AKAP19: variants seen among roughly 807,000 people sequenced by gnomAD.
AKAP19 encodes A-kinase anchoring protein 19.
At chr2:189,880,771 T>C in the AKAP19 span, among the ~76,000 whole-genome samples, 2 of 152,200 alleles carry the variant, frequency 1.3e-5, no homozygotes, top group African/African-American at 4.8e-5. Context: ...ACCTAATTAA[T>C]GCAAAGGAAA....
chr2:189,960,259 T>C, the AKAP19 span, among the ~76,000 whole-genome samples: 107 of 152,312 alleles, frequency 7.0e-4, no homozygotes, highest in South Asian at 1.7e-3. Flanking sequence ...AGGGAGAATA[T>C]ACATACAAAA....
chr2:190,047,792 T>A, the AKAP19 span, among the ~76,000 whole-genome samples: 1 of 152,176 alleles, frequency 6.6e-6, no homozygotes, highest in Non-Finnish European at 1.5e-5. Flanking sequence ...ACATACCGGG[T>A]GAGACTAGTC....
At chr2:190,133,841 G>T in the AKAP19 span, among the ~76,000 whole-genome samples, 1 of 152,172 alleles carries the variant, frequency 6.6e-6, no homozygotes. Context: ...TGGGGTTGTA[G>T]AAAGTGGGTA....
At chr2:190,161,653 C>T in the AKAP19 span, among the ~76,000 whole-genome samples, 2 of 152,226 alleles carry the variant, frequency 1.3e-5, no homozygotes, top group Admixed American at 6.5e-5. Context: ...CAGTATTGAT[C>T]CCCCTGTTAC....
At chr2:189,963,447 G>A in the AKAP19 span, among the ~76,000 whole-genome samples, 18 of 151,934 alleles carry the variant, frequency 1.2e-4, no homozygotes, top group African/African-American at 1.7e-4. Context: ...TGCCTGCCTC[G>A]GCCTCCCAAA....
chr2:189,886,249 A>C, the AKAP19 span, among the ~76,000 whole-genome samples: 1 of 152,160 alleles, frequency 6.6e-6, no homozygotes. Context: ...ATTTTCACCT[A>C]TCCAGGCAAT....
chr2:190,116,512 G>A, the AKAP19 span, among the ~76,000 whole-genome samples: 1 of 152,074 alleles, frequency 6.6e-6, no homozygotes, highest in Non-Finnish European at 1.5e-5. Context: ...ATGCCTTTTG[G>A]GGGATACAGT....
the AKAP19 span, among the ~76,000 whole-genome samples, chr2:190,151,273 C>T: frequency 3.3e-5 from 5 of 152,204 alleles, no homozygotes; most frequent in Admixed American, 6.5e-5. Flanking sequence ...CATAGGAAAA[C>T]GTGTGCTATG....
chr2:189,895,973 C>T, the AKAP19 span, among the ~76,000 whole-genome samples: 1 of 141,700 alleles, frequency 7.1e-6, no homozygotes. Flanking sequence ...CGTGCCACTG[C>T]ACACCAGCCT....
the AKAP19 span, among the ~76,000 whole-genome samples, chr2:189,996,111 T>C: frequency 6.6e-6 from 1 of 152,210 alleles, no homozygotes; most frequent in East Asian, 1.9e-4. Flanking sequence ...CGAGATGTTC[T>C]TTGAGCTTCT....
chr2:189,974,267 G>C, the AKAP19 span, among the ~76,000 whole-genome samples: 1 of 152,160 alleles, frequency 6.6e-6, no homozygotes, highest in Non-Finnish European at 1.5e-5. Flanking sequence ...AGGTTGTTCA[G>C]TTTCCATGTA....
At chr2:190,069,136 ATG>A in the AKAP19 span, among the ~76,000 whole-genome samples, 56,528 of 126,694 alleles carry the variant, frequency 0.45, 14,582 homozygotes, top group East Asian at 0.58. Context: ...GTGCATGCAT[ATG>A]TGTGTGTGTG....
the AKAP19 span, among the ~76,000 whole-genome samples, chr2:190,095,878 G>A: frequency 1.3e-5 from 2 of 152,146 alleles, no homozygotes; most frequent in African/African-American, 4.8e-5. Context: ...AAGTCTACAA[G>A]ACAGGTAGGT....
the AKAP19 span, chr2:190,202,116 T>TGC: frequency 6.0e-6 from 1 of 167,058 alleles, no homozygotes; most frequent in South Asian, 2.1e-4. Context: ...GTTCCTTCTG[T>TGC]GCCCTGGGCC....
the AKAP19 span, among the ~76,000 whole-genome samples, chr2:189,905,700 C>G: frequency 3.3e-5 from 5 of 151,902 alleles, no homozygotes; most frequent in African/African-American, 1.2e-4. Flanking sequence ...ATTAGCAGTA[C>G]GAAGCTTTCA....
At chr2:189,957,549 C>G in the AKAP19 span, among the ~76,000 whole-genome samples, 54 of 152,098 alleles carry the variant, frequency 3.6e-4, no homozygotes, top group Non-Finnish European at 5.7e-4. Flanking sequence ...ATTTAACTAG[C>G]CATTTGTCTC....
chr2:189,987,923 G>A, the AKAP19 span, among the ~76,000 whole-genome samples: 2 of 152,000 alleles, frequency 1.3e-5, no homozygotes, highest in Non-Finnish European at 2.9e-5. Context: ...CTGTGCGGGA[G>A]ACCAGATTTT....
At chr2:189,983,506 G>A in the AKAP19 span, among the ~76,000 whole-genome samples, 1 of 152,236 alleles carries the variant, frequency 6.6e-6, no homozygotes. Flanking sequence ...TCTTTAGTGA[G>A]AAGAACAACT....
At chr2:189,892,338 T>C in the AKAP19 span, among the ~76,000 whole-genome samples, 1 of 151,978 alleles carries the variant, frequency 6.6e-6, no homozygotes, top group Non-Finnish European at 1.5e-5. Context: ...ATTTTCAGCC[T>C]TTTTGCACTG....
Sources: allele counts gnomAD v4.1 joint callset (sites outside exome capture counted in the v4.1 genomes callset), GRCh38; gene constraint gnomAD v4.1.1; transcripts MANE v1.5; gene names NCBI Gene and HGNC (gene_info 2026-07-23, HGNC 2026-07-21).